FOXN3: variants seen among roughly 807,000 people sequenced by gnomAD.
FOXN3 encodes forkhead box N3, also known as forkhead box protein N3.
A neutral mutation model predicts 38.4 loss-of-function variants in FOXN3; 7 were observed. The ratio of observed to expected loss-of-function variants is 0.18; its 90% CI spans 0.10 to 0.34. The LOEUF is 0.34. Among genes scored for constraint, FOXN3 ranks in the 10% least tolerant of loss-of-function variants. FOXN3 has a pLI of 1.00. For synonymous variants in FOXN3, 230 were observed against 242.2 expected (o/e 0.95, Z 0.47); for missense variants, 456 against 613.4 (o/e 0.74, Z 2.71).
At position 89,224,853 on chromosome 14, in the gene FOXN3, G is replaced by A. The variant is rs537970120; in HGVS notation, c.746-44047C>T. Among the ~76,000 whole-genome samples, 18 of 152,248 alleles carry A rather than the reference G, an allele frequency of 1.2e-4. No homozygotes were observed. In the South Asian group the frequency reaches 2.5e-3, roughly 21 times the overall value. On this transcript the variant is annotated intron_variant, in intron 4 of 5. Transcript: ENST00000557258. ...GTCTCTATAAAAAGAACTTAAGGAC[G>A]GGTGTGGTGGCTCACGCTTGTAAGC...
At chr14:89,495,110 G>A (rs1893653316) in intron 1 of FOXN3, among the ~76,000 whole-genome samples, 1 of 152,158 alleles carries the variant, frequency 6.6e-6, no homozygotes, top group Non-Finnish European at 1.5e-5. Context: ...GTAGACAAAA[G>A]TAAGCTGTTC....
chr14:89,222,347 T>C (rs759527886), intron 4 of FOXN3, among the ~76,000 whole-genome samples: 3 of 152,162 alleles, frequency 2.0e-5, no homozygotes, highest in Non-Finnish European at 2.9e-5. Context: ...ATGAAAATTA[T>C]GCACAATTCC....
intron 1 of FOXN3, among the ~76,000 whole-genome samples, chr14:89,447,496 A>G (rs767904310): frequency 1.3e-5 from 2 of 152,172 alleles, no homozygotes; most frequent in Non-Finnish European, 2.9e-5. Context: ...CACATAGTAT[A>G]AAGTGTCTTT....
At chr14:89,470,865 A>T (rs1893080411) in intron 1 of FOXN3, among the ~76,000 whole-genome samples, 1 of 152,220 alleles carries the variant, frequency 6.6e-6, no homozygotes, top group South Asian at 2.1e-4. Flanking sequence ...CCTGACCTTC[A>T]TGAGGGGGAG....
intron 1 of FOXN3, among the ~76,000 whole-genome samples, chr14:89,526,520 T>C (rs570343992): frequency 1.3e-5 from 2 of 152,162 alleles, no homozygotes; most frequent in East Asian, 1.9e-4. Context: ...ATATAAATAA[T>C]TGAAATGCTG....
chr14:89,371,463 A>G (rs1890317349), intron 2 of FOXN3, among the ~76,000 whole-genome samples: 1 of 152,094 alleles, frequency 6.6e-6, no homozygotes, highest in African/African-American at 2.4e-5. Flanking sequence ...GGCCACCAGA[A>G]GCCTCATTCA....
At chr14:89,564,921 C>T (rs1417120381) in intron 1 of FOXN3, among the ~76,000 whole-genome samples, 1 of 151,760 alleles carries the variant, frequency 6.6e-6, no homozygotes, top group Non-Finnish European at 1.5e-5. Context: ...GACAAGACCC[C>T]CTGTCTCTAC....
intron 1 of FOXN3, among the ~76,000 whole-genome samples, chr14:89,538,176 C>A (rs534449032): frequency 2.6e-5 from 4 of 152,176 alleles, no homozygotes; most frequent in Non-Finnish European, 5.9e-5. Context: ...AACAGATCCA[C>A]GTAATGTATT....
chr14:89,594,272 A>G (rs1023035731), intron 1 of FOXN3, among the ~76,000 whole-genome samples: 2 of 152,204 alleles, frequency 1.3e-5, no homozygotes, highest in Admixed American at 1.3e-4. Flanking sequence ...TTCATCTTTT[A>G]TTAGGTAATG....
At chr14:89,396,389 G>A (rs1891098910) in intron 2 of FOXN3, among the ~76,000 whole-genome samples, 1 of 152,234 alleles carries the variant, frequency 6.6e-6, no homozygotes, top group African/African-American at 2.4e-5. Flanking sequence ...GCACAGATCT[G>A]TGGGTTTTAC....
chr14:89,267,285 C>T (rs1886013482), intron 4 of FOXN3, among the ~76,000 whole-genome samples: 1 of 152,158 alleles, frequency 6.6e-6, no homozygotes, highest in Admixed American at 6.5e-5. Flanking sequence ...TGGGAAACTG[C>T]TGCAGGATGG....
Position 89,176,835 on chromosome 14 carries a change from A to G in FOXN3, c.851+3866T>C, listed in dbSNP as rs566256195. Among the ~76,000 whole-genome samples, 74 of 152,230 alleles carry G rather than the reference A, an allele frequency of 4.9e-4. 1 individual carries two copies. Among genetic ancestry groups the G allele is most frequent in the African/African-American group, 1.8e-3 (74 of 41,530 alleles). On this transcript the variant is annotated intron_variant, in intron 5 of 5. Coordinates refer to ENST00000557258, the MANE Select transcript of FOXN3 (RefSeq NM_005197.4). ...TCTCAGTGTCTACTACCTGCCCTAC[A>G]AAAAGAGGGCAAAGATACTACAAGC...
At chr14:89,482,973 C>G (rs976860280) in intron 1 of FOXN3, among the ~76,000 whole-genome samples, 1 of 150,054 alleles carries the variant, frequency 6.7e-6, no homozygotes, top group African/African-American at 2.5e-5. Flanking sequence ...TTTGGGAGAC[C>G]AAGGTGGATA....
chr14:89,415,239 T>C (rs1891662040), intron 1 of FOXN3, among the ~76,000 whole-genome samples: 3 of 152,148 alleles, frequency 2.0e-5, no homozygotes, highest in Admixed American at 6.5e-5. Context: ...AACAGGAAAA[T>C]TATATCATGG....
chr14:89,594,908 T>C (rs1427784021), intron 1 of FOXN3, among the ~76,000 whole-genome samples: 3 of 152,194 alleles, frequency 2.0e-5, no homozygotes, highest in African/African-American at 7.2e-5. Context: ...TGGCATTTTG[T>C]GTTTCCACAT....
At chr14:89,509,171 A>G (rs1022512994) in intron 1 of FOXN3, among the ~76,000 whole-genome samples, 1 of 151,884 alleles carries the variant, frequency 6.6e-6, no homozygotes, top group Non-Finnish European at 1.5e-5. Flanking sequence ...CTGAGCATCG[A>G]CCTGCCTTTC....
chr14:89,350,613 G>T, intron 3 of FOXN3, 59 bp downstream of exon 3: 2 of 1,374,254 alleles, frequency 1.5e-6, no homozygotes, highest in Non-Finnish European at 1.9e-6. Flanking sequence ...TTCCGCGCAG[G>T]TCTCTGCCAA....
At chr14:89,449,268 C>T (rs1892569297) in intron 1 of FOXN3, among the ~76,000 whole-genome samples, 2 of 152,218 alleles carry the variant, frequency 1.3e-5, no homozygotes, top group South Asian at 2.1e-4. Context: ...AGGCTATCTC[C>T]TAACCTTCTG....
At chr14:89,546,009 C>G (rs1392125230) in intron 1 of FOXN3, among the ~76,000 whole-genome samples, 3 of 152,178 alleles carry the variant, frequency 2.0e-5, no homozygotes, top group African/African-American at 4.8e-5. Context: ...AATGCTCAAT[C>G]AAGGTTAGAT....
Sources: gnomAD v4.1 joint callset for allele counts (sites outside exome capture counted in the v4.1 genomes callset) on GRCh38, gnomAD v4.1.1 for gene constraint, MANE v1.5 for transcripts, NCBI Gene and HGNC (gene_info 2026-07-23, HGNC 2026-07-21) for gene names.